The following RFX7 variants were observed in gnomAD, a reference collection of about 807,000 sequenced individuals.
The protein encoded by RFX7 is DNA-binding protein RFX7.
RFX7 carries 26 observed loss-of-function variants against 111.8 expected under a neutral mutation model. The observed-to-expected ratio is 0.23, with a 90% CI of 0.17 to 0.32. The LOEUF is 0.32. RFX7 is among the 10% of genes least tolerant of loss of function. The pLI is 1.00. For missense variants in RFX7, 1,573 were observed against 1,772.9 expected (o/e 0.89, Z 2.02); for synonymous variants, 624 against 624.4 (o/e 1.00, Z 0.01).
chr15:56,129,091 C>A (rs1172619411), intron 5 of RFX7, among the ~76,000 whole-genome samples: 1 of 152,034 alleles, frequency 6.6e-6, no homozygotes, highest in African/African-American at 2.4e-5. Context: ...AGGTTAAAAA[C>A]AGGACCAGGC....
chr15:56,137,298 T>C (rs1388430851), intron 5 of RFX7, among the ~76,000 whole-genome samples: 1 of 152,194 alleles, frequency 6.6e-6, no homozygotes, highest in African/African-American at 2.4e-5. Flanking sequence ...TCAGATCCTG[T>C]TATTGGTCTA....
At chr15:56,217,860 C>A (rs1010109615) in intron 2 of RFX7, among the ~76,000 whole-genome samples, 4 of 152,144 alleles carry the variant, frequency 2.6e-5, no homozygotes, top group African/African-American at 4.8e-5. Flanking sequence ...GCCAATCTGT[C>A]GTGTTTTACC....
At chr15:56,158,224 C>G (rs1472505385) in intron 3 of RFX7, among the ~76,000 whole-genome samples, 1 of 152,128 alleles carries the variant, frequency 6.6e-6, no homozygotes, top group African/African-American at 2.4e-5. Flanking sequence ...AGACCCAGAT[C>G]TGAGTTCCAG....
chr15:56,110,384 C>T lies in RFX7; in HGVS notation c.402-6714G>A, dbSNP rs865855155. Among the ~76,000 whole-genome samples, 719 of 97,082 alleles carry T rather than the reference C, an allele frequency of 7.4e-3. 3 individuals are homozygous for T. The highest frequency in any genetic ancestry group is 0.037 in the East Asian group (56 of 1,514). The allele number at this position is 97,082 out of a possible 152,430, so 63.7% of individuals were successfully genotyped here. On this transcript the variant is annotated intron_variant, in intron 5 of 9. Coordinates refer to ENST00000559447, the MANE Select transcript of RFX7 (RefSeq NM_022841.7). ...GGGAGGGAGGTGGGGGGGGTCAGCC[C>T]CCCGCCCGGCCAGCCGCCCCGTCCG...
intron 2 of RFX7, among the ~76,000 whole-genome samples, chr15:56,216,095 T>C (rs2043360676): frequency 6.6e-6 from 1 of 152,200 alleles, no homozygotes; most frequent in Non-Finnish European, 1.5e-5. Context: ...TAGAATTGCA[T>C]GATTAGGTCC....
chr15:56,200,458 TCTC>T (rs1224624902), intron 2 of RFX7, among the ~76,000 whole-genome samples: 24 of 152,108 alleles, frequency 1.6e-4, no homozygotes, highest in Non-Finnish European at 2.4e-4. Context: ...CAACTCTTCT[TCTC>T]CTACTGCATA....
chr15:56,236,499 G>A (rs1237446394), intron 2 of RFX7, among the ~76,000 whole-genome samples: 2 of 152,124 alleles, frequency 1.3e-5, no homozygotes, highest in Admixed American at 6.5e-5. Flanking sequence ...TAGAATAGGA[G>A]GCACTGGACA....
chr15:56,130,157 T>C (rs1054820372), intron 5 of RFX7, among the ~76,000 whole-genome samples: 6 of 152,168 alleles, frequency 3.9e-5, no homozygotes, highest in East Asian at 3.8e-4. Flanking sequence ...CAGTTGAAGA[T>C]GAGCAGTGTG....
intron 3 of RFX7, among the ~76,000 whole-genome samples, chr15:56,166,491 A>G (rs533762531): frequency 6.8e-6 from 1 of 148,076 alleles, no homozygotes; most frequent in African/African-American, 2.4e-5. Context: ...GAAGTTCTCA[A>G]CATCCTGTTA....
chr15:56,162,819 C>G (rs1366296359), intron 3 of RFX7, among the ~76,000 whole-genome samples: 1 of 152,080 alleles, frequency 6.6e-6, no homozygotes, highest in Non-Finnish European at 1.5e-5. Flanking sequence ...CTATTTAAAT[C>G]TGGCCCCACT....
intron 3 of RFX7, among the ~76,000 whole-genome samples, chr15:56,163,164 A>G (rs1362940978): frequency 6.6e-6 from 1 of 152,156 alleles, no homozygotes; most frequent in Non-Finnish European, 1.5e-5. Context: ...GTGAGAAAGC[A>G]TGCTTTCTCT....
At chr15:56,124,682 T>G in intron 5 of RFX7, among the ~76,000 whole-genome samples, 1 of 152,224 alleles carries the variant, frequency 6.6e-6, no homozygotes, top group East Asian at 1.9e-4. Flanking sequence ...ACTCATGTCC[T>G]TTGCCCATTT....
intron 2 of RFX7, among the ~76,000 whole-genome samples, chr15:56,186,193 C>G (rs1446197745): frequency 6.6e-6 from 1 of 152,156 alleles, no homozygotes; most frequent in Non-Finnish European, 1.5e-5. Flanking sequence ...TCTGTGGGTT[C>G]CCTGTTTTAG....
intron 2 of RFX7, among the ~76,000 whole-genome samples, chr15:56,228,257 C>A (rs2141226060): frequency 6.6e-6 from 1 of 152,118 alleles, no homozygotes; most frequent in East Asian, 1.9e-4. Context: ...CTGGGAAATC[C>A]TCAAGTTATT....
chr15:56,136,336 C>T (rs1180014290), intron 5 of RFX7, among the ~76,000 whole-genome samples: 1 of 140,806 alleles, frequency 7.1e-6, no homozygotes, highest in Non-Finnish European at 1.5e-5. Context: ...CTTCACATCC[C>T]TTGTAAGTTG....
At chr15:56,110,432 G>A (rs1376202047) in intron 5 of RFX7, among the ~76,000 whole-genome samples, 6 of 123,832 alleles carry the variant, frequency 4.8e-5, no homozygotes, top group East Asian at 5.0e-4. Context: ...TCAGCCCCCC[G>A]CCCGGCCAGC....
At chr15:56,127,459 C>A (rs2042158533) in intron 5 of RFX7, among the ~76,000 whole-genome samples, 1 of 149,104 alleles carries the variant, frequency 6.7e-6, no homozygotes, top group Non-Finnish European at 1.5e-5. Flanking sequence ...CAGAAGAAGG[C>A]TATAATAAAG....
intron 5 of RFX7, among the ~76,000 whole-genome samples, chr15:56,131,989 ATAT>A (rs1346580315): frequency 1.1e-4 from 16 of 152,132 alleles, no homozygotes; most frequent in Admixed American, 8.5e-4. Context: ...TCATTTTTTC[ATAT>A]TATTCATATT....
intron 5 of RFX7, among the ~76,000 whole-genome samples, chr15:56,110,229 C>T (rs1487627307): frequency 8.7e-6 from 1 of 114,334 alleles, no homozygotes; most frequent in Non-Finnish European, 1.9e-5. Flanking sequence ...AGTGAGGAGC[C>T]CCTCTGCCCG....
Sources: gnomAD v4.1 joint callset for allele counts (sites outside exome capture counted in the v4.1 genomes callset) on GRCh38, gnomAD v4.1.1 for gene constraint, MANE v1.5 for transcripts, NCBI Gene and HGNC (gene_info 2026-07-23, HGNC 2026-07-21) for gene names.